Variants in GRAMD1B observed in about 807,000 individuals in gnomAD.
The protein encoded by GRAMD1B is GRAM domain containing 1B.
GRAMD1B carries 37 observed loss-of-function variants against 99.7 expected under a neutral mutation model. That is an observed-to-expected ratio of 0.37 (90% confidence interval 0.29 to 0.49). GRAMD1B has a LOEUF of 0.49. GRAMD1B is among the 20% of genes least tolerant of loss of function. The pLI, the probability that GRAMD1B is intolerant of heterozygous loss-of-function variation, is 0.98. For synonymous variants in GRAMD1B, 427 were observed against 387.6 expected (o/e 1.10, Z -1.19); for missense variants, 888 against 1,009.2 (o/e 0.88, Z 1.63).
At chr11:123,560,065 ACC>A (rs5795378) in intron 2 of GRAMD1B, among the ~76,000 whole-genome samples, 32,008 of 133,550 alleles carry the variant, frequency 0.24, 3,767 homozygotes, top group Admixed American at 0.35. Flanking sequence ...AGAGGAAATA[ACC>A]CCCCCCCCCG....
At chr11:123,411,419 A>C (rs1204037492) in intron 1 of GRAMD1B, among the ~76,000 whole-genome samples, 4 of 152,192 alleles carry the variant, frequency 2.6e-5, no homozygotes, top group Non-Finnish European at 5.9e-5. Context: ...CAGATAGCTA[A>C]TAATTAAATA....
chr11:123,434,424 T>C (rs1949066544), intron 1 of GRAMD1B, among the ~76,000 whole-genome samples: 1 of 152,110 alleles, frequency 6.6e-6, no homozygotes, highest in Non-Finnish European at 1.5e-5. Context: ...GCCTCGAAGA[T>C]GAAAGGCTTC....
At chr11:123,570,702 G>A (rs1308142333) in intron 2 of GRAMD1B, among the ~76,000 whole-genome samples, 1 of 152,132 alleles carries the variant, frequency 6.6e-6, no homozygotes, top group Non-Finnish European at 1.5e-5. Flanking sequence ...GGGATTACAG[G>A]TGTGAGCCAC....
At chr11:123,545,763 T>C (rs1408423176) in intron 2 of GRAMD1B, among the ~76,000 whole-genome samples, 2 of 151,644 alleles carry the variant, frequency 1.3e-5, no homozygotes, top group Non-Finnish European at 2.9e-5. Flanking sequence ...TTTTTTTTGG[T>C]AAACTAACTG....
intron 1 of GRAMD1B, among the ~76,000 whole-genome samples, chr11:123,409,137 C>T (rs539951997): frequency 7.2e-5 from 11 of 152,280 alleles, no homozygotes; most frequent in South Asian, 2.1e-4. Context: ...AGATTCTCAA[C>T]GCAGTTCTTT....
chr11:123,475,879 T>C (rs1389220964), intron 1 of GRAMD1B, among the ~76,000 whole-genome samples: 2 of 152,022 alleles, frequency 1.3e-5, no homozygotes, highest in Non-Finnish European at 2.9e-5. Flanking sequence ...GGCCTGGAGG[T>C]TGCTCTTTTC....
chr11:123,452,590 G>A (rs1949937926), intron 1 of GRAMD1B, among the ~76,000 whole-genome samples: 1 of 152,056 alleles, frequency 6.6e-6, no homozygotes, highest in Non-Finnish European at 1.5e-5. Context: ...AGGTTGCGGT[G>A]AGCCAAGATG....
rs1555112799 is a variant in GRAMD1B, at chr11:123,625,973, A to AGAGAGACAGAGG, written c.*3384_*3385insCAGAGGGAGAGA. On this transcript the variant is annotated 3_prime_UTR_variant, in exon 20 of 20. Coordinates refer to ENST00000635736, the MANE Select transcript of GRAMD1B (RefSeq NM_001387025.1). ...GAGAGAGAGAGAGAGAGAGAGAGAG[A>AGAGAGACAGAGG]GAGAGAGATCGAGCTTGATGTATTG... 1 of 139,748 alleles carries AGAGAGACAGAGG rather than the reference A, an allele frequency of 7.2e-6. No individual in the cohort carries two copies. The highest frequency in any genetic ancestry group is 1.6e-5 in the Non-Finnish European group (1 of 63,912). The allele number at this position is 139,748 out of a possible 1,614,324, so 8.7% of individuals were successfully genotyped here.
intron 2 of GRAMD1B, among the ~76,000 whole-genome samples, chr11:123,536,626 C>T (rs550802767): frequency 1.6e-4 from 25 of 152,214 alleles, no homozygotes; most frequent in South Asian, 4.2e-4. Flanking sequence ...GGCTACAGTC[C>T]TTGCCTTTCC....
At chr11:123,523,296 C>G (rs1942379077) in intron 2 of GRAMD1B, among the ~76,000 whole-genome samples, 1 of 152,148 alleles carries the variant, frequency 6.6e-6, no homozygotes, top group African/African-American at 2.4e-5. Flanking sequence ...TGCACCACGG[C>G]ACTCCAGCCT....
At chr11:123,387,475 G>T (rs185920063) in intron 1 of GRAMD1B, among the ~76,000 whole-genome samples, 1 of 152,192 alleles carries the variant, frequency 6.6e-6, no homozygotes, top group African/African-American at 2.4e-5. Flanking sequence ...GTGTTCTTTG[G>T]CTGGCAAACA....
At chr11:123,546,024 C>T (rs748064448) in intron 2 of GRAMD1B, among the ~76,000 whole-genome samples, 2 of 152,236 alleles carry the variant, frequency 1.3e-5, no homozygotes, top group Admixed American at 6.5e-5. Flanking sequence ...TGGACAGCAT[C>T]GGCAAGTCTG....
At chr11:123,399,004 C>T (rs7951557) in intron 1 of GRAMD1B, among the ~76,000 whole-genome samples, 65,427 of 151,974 alleles carry the variant, frequency 0.43, 14,182 homozygotes, top group African/African-American at 0.49. Context: ...TTGTTAACTG[C>T]AGGCACTATG....
chr11:123,557,814 C>G lies in GRAMD1B; in HGVS notation c.453-19553C>G, dbSNP rs1456911688. 2.0e-5 allele frequency among the ~76,000 whole-genome samples: 3 copies of G among 152,116 alleles called. 1 individual carries two copies. The highest frequency in any genetic ancestry group is 4.4e-5 in the Non-Finnish European group (3 of 68,032). ...ACTAACAATGTAAGCCCATATACAG[C>G]TGTACATTTTGTAGTGGAAGAAGTA... On this transcript the variant is annotated intron_variant, in intron 2 of 19. Transcript: ENST00000635736.
At chr11:123,561,960 G>A (rs1361916229) in intron 2 of GRAMD1B, among the ~76,000 whole-genome samples, 1 of 152,182 alleles carries the variant, frequency 6.6e-6, no homozygotes, top group African/African-American at 2.4e-5. Flanking sequence ...AGGGAGTGGA[G>A]AATCAGCTAG....
At chr11:123,478,358 A>C (rs1262592927) in intron 1 of GRAMD1B, among the ~76,000 whole-genome samples, 1 of 152,244 alleles carries the variant, frequency 6.6e-6, no homozygotes. Context: ...CTTCGTGTAC[A>C]CATAGCGTGA....
chr11:123,485,991 C>T (rs1937708697), intron 2 of GRAMD1B, among the ~76,000 whole-genome samples: 4 of 152,160 alleles, frequency 2.6e-5, no homozygotes, highest in Admixed American at 2.6e-4. Context: ...GTTGGGATTA[C>T]AGGCGTGAGC....
chr11:123,457,852 C>G (rs765109814), intron 1 of GRAMD1B, among the ~76,000 whole-genome samples: 1 of 152,008 alleles, frequency 6.6e-6, no homozygotes, highest in South Asian at 2.1e-4. Flanking sequence ...GTAGCTGAGA[C>G]TACAGGCATG....
rs1022451957 is a variant in GRAMD1B, at chr11:123,462,891, T to TAA, written c.375-17905_375-17904dup. Among the ~76,000 whole-genome samples the TAA allele has an allele frequency of 9.9e-4, 110 of 111,420 alleles. 1 individual carries two copies. The highest frequency in any genetic ancestry group is 6.3e-3 in the East Asian group (30 of 4,734). 73.1% of individuals were successfully genotyped at this position (111,420 alleles called of 152,430 possible). A position where few individuals can be genotyped will look rare whatever the true frequency, so the allele number is the denominator to read the frequency against. ...AAGAATTATCAATAAAAAAATAAAT[T>TAA]AAAAAAAAAAAAAAAAAAAAAGAAA... On this transcript the variant is annotated intron_variant, in intron 1 of 19. Transcript: ENST00000635736.
Sources: gnomAD v4.1 joint callset for allele counts (sites outside exome capture counted in the v4.1 genomes callset) on GRCh38, gnomAD v4.1.1 for gene constraint, MANE v1.5 for transcripts, NCBI Gene and HGNC (gene_info 2026-07-23, HGNC 2026-07-21) for gene names.